Variants in RBM17 observed in about 807,000 individuals in gnomAD.
RBM17 encodes RNA binding motif protein 17, also known as splicing factor 45.
A neutral mutation model predicts 53.2 loss-of-function variants in RBM17; 7 were observed. That is an observed-to-expected ratio of 0.13 (90% CI 0.07 to 0.25). The LOEUF is 0.25. Ranked by LOEUF, RBM17 falls within the 10% of genes least tolerant of loss-of-function variation. The pLI, the probability that RBM17 is intolerant of heterozygous loss-of-function variation, is 1.00. For missense variants in RBM17, 257 were observed against 496.7 expected, an observed-to-expected ratio of 0.52 and a Z score of 4.59; for synonymous variants, 167 against 178.1, an observed-to-expected ratio of 0.94 and a Z score of 0.50.
rs763831757 is a variant in RBM17, at chr10:6,104,955, G to T, written c.265G>T (p.Ala89Ser). Residue 89 changes from alanine (A) to serine (S), a missense_variant, in exon 4 of 12, where the codon GCA (alanine) becomes TCA (serine). Physicochemically the swap from Ala to Ser is moderately conservative, Grantham distance 99. This residue lies in a region of RBM17 where 127 missense variants were observed against 217.2 expected (regional missense o/e 0.58). Coordinates refer to ENST00000379888, the MANE Select transcript of RBM17 (RefSeq NM_032905.5). ...LKDPVPSGFSAGEVLIPLADE... is the reference protein window; with the variant it reads ...LKDPVPSGFSSGEVLIPLADE... The stretch of plus-strand genomic sequence containing the variant: ...GGATCCTGTTCCCAGTGGGTTTTCT[G>T]CAGGGGAAGTTCTGATTCCCTTAGC... The T allele has an allele frequency of 6.2e-7, 1 of 1,613,896 alleles. No individual in the cohort carries two copies. Among genetic ancestry groups the T allele is most frequent in the South Asian group, 1.1e-5 (1 of 91,058 alleles).
chr10:6,108,815 G>A, intron 6 of RBM17, 73 bp downstream of exon 6: 1 of 1,222,058 alleles, frequency 8.2e-7, no homozygotes, highest in Non-Finnish European at 1.2e-6. Flanking sequence ...TCTCAGCTTG[G>A]GCCCCCAGGT....
chr10:6,114,941 G>A (rs1840893025), intron 10 of RBM17: 1 of 331,682 alleles, frequency 3.0e-6, no homozygotes, highest in Non-Finnish European at 5.5e-6. Context: ...TCTTTATCCT[G>A]TTGCTGTTTG....
rs967929600 is a variant in RBM17 at position 6,089,343 on chromosome 10, C to A, written c.-19+150C>A. ...CAGCGCAGCCGGAGCCTCCGAGGGT[C>A]TCAGTCCCCGCGGCGGGCGCTGGTC... On this transcript the variant is annotated intron_variant, in intron 1 of 11. Transcript: ENST00000379888. The surrounding 1 kb of genome is among the most constrained non-coding windows in gnomAD (Gnocchi z 5.6). 11 of 152,284 alleles carry A rather than the reference C, an allele frequency of 7.2e-5. No individual in the cohort carries two copies. The highest frequency in any genetic ancestry group is 2.7e-4 in the African/African-American group (11 of 41,450). 9.4% of individuals were successfully genotyped at this position (152,284 alleles called of 1,614,324 possible).
At position 6,098,556 on chromosome 10, in the gene RBM17, G is replaced by GTT. The variant is rs1221504658; in HGVS notation, c.123+1373_123+1374dup. On this transcript the variant is annotated intron_variant, in intron 2 of 11. Transcript: ENST00000379888. Reference sequence around the variant, plus strand: ...GTTTGAAAATTTCCGTAATACACAGGTTTTTTGTTTTTTTTTTTTTTTTTT... The same window carrying GTT: ...GTTTGAAAATTTCCGTAATACACAGGTTTTTTTTGTTTTTTTTTTTTTTTTTT... 2.8e-3 allele frequency among the ~76,000 whole-genome samples: 248 copies of GTT among 87,962 alleles called. 27 individuals carry two copies. Among genetic ancestry groups the GTT allele is most frequent in the African/African-American group, 6.6e-3 (164 of 24,780 alleles). The allele number at this position is 87,962 out of a possible 152,430, so 57.7% of individuals were successfully genotyped here.
At chr10:6,114,232 C>G (rs924005047) in intron 10 of RBM17, 85 bp downstream of exon 10, 14 of 745,712 alleles carry the variant, frequency 1.9e-5, no homozygotes, top group African/African-American at 3.5e-5. Flanking sequence ...ACAGGGTATG[C>G]TATAAGTAAC....
rs1343278771 is a variant in RBM17, at chr10:6,110,117, G to A, written c.694G>A (p.Ala232Thr). 3 of 1,608,384 alleles carry A rather than the reference G, an allele frequency of 1.9e-6. No homozygotes were observed. Among genetic ancestry groups the A allele is most frequent in the Admixed American group, 3.4e-5 (2 of 58,926 alleles). Reference sequence around the variant, plus strand: ...AACCGGACCTAGCAACTCCTTCCTCGCTAACATGGGGTAATGATTTAATGT... The same window carrying A: ...AACCGGACCTAGCAACTCCTTCCTCACTAACATGGGGTAATGATTTAATGT... ...SPTGPSNSFL[A>T]NMGGTVAHKI... The change falls in exon 7 of 12, where the codon GCT becomes ACT. Residue 232 changes from alanine to threonine, a missense_variant. Ala to Thr is a moderately conservative substitution (Grantham distance 58). Around this residue, in one of 6 missense-constraint regions of RBM17, gnomAD observed 5 missense variants for 58.2 expected, o/e 0.09. Coordinates refer to ENST00000379888, the MANE Select transcript of RBM17 (RefSeq NM_032905.5).
chr10:6,115,111 T>C, intron 10 of RBM17, 128 bp from the exon 11 acceptor site: 2 of 715,190 alleles, frequency 2.8e-6, no homozygotes. Flanking sequence ...ATTTCCTTGG[T>C]ATTTGACAAC....
chr10:6,095,646 T>C lies in RBM17; in HGVS notation c.-18-1402T>C, dbSNP rs1840560775. ...TCAAAATGGAGAGGTTTTAGTTAAT[T>C]TGAGGGTTCACGTATGAAGGAATGG... On this transcript the variant is annotated intron_variant, in intron 1 of 11. Coordinates refer to ENST00000379888, the MANE Select transcript of RBM17 (RefSeq NM_032905.5). Among the ~76,000 whole-genome samples the C allele has an allele frequency of 2.0e-5, 3 of 152,094 alleles. No individual in the cohort carries two copies. In the South Asian group the frequency reaches 6.2e-4, roughly 32 times the overall value.
At chr10:6,099,515 T>G (rs564933954) in intron 2 of RBM17, among the ~76,000 whole-genome samples, 29 of 152,316 alleles carry the variant, frequency 1.9e-4, no homozygotes, top group African/African-American at 7.0e-4. Flanking sequence ...GTCCCTTATA[T>G]AAAATGGTGT....
In RBM17 at chr10:6,117,373, A is replaced by G. The variant is rs1840936971; in HGVS notation, c.*1817A>G. ...TTAGTACTTGAGAAATTTGAAATTAATTTTCAATATTAACATTTAAGCTAA... is the reference window on the plus strand; with the variant it reads ...TTAGTACTTGAGAAATTTGAAATTAGTTTTCAATATTAACATTTAAGCTAA... On this transcript the variant is annotated 3_prime_UTR_variant, in exon 12 of 12. Coordinates refer to ENST00000379888, the MANE Select transcript of RBM17 (RefSeq NM_032905.5). The G allele has an allele frequency of 6.6e-6, 1 of 152,132 alleles. No homozygotes were observed. 9.4% of individuals were successfully genotyped at this position (152,132 alleles called of 1,614,324 possible). A position where few individuals can be genotyped will look rare whatever the true frequency, so the allele number is the denominator to read the frequency against.
At chr10:6,115,415 A>G in intron 11 of RBM17, 38 bp from the exon 12 acceptor site, 2 of 1,538,222 alleles carry the variant, frequency 1.3e-6, no homozygotes, top group Non-Finnish European at 1.8e-6. Flanking sequence ...TTTATCTTAT[A>G]GGATACCTGT....
chr10:6,110,808 T>G (rs1588351098), intron 7 of RBM17, among the ~76,000 whole-genome samples: 1 of 151,974 alleles, frequency 6.6e-6, no homozygotes, highest in African/African-American at 2.4e-5. Context: ...AGACAGTGAG[T>G]GGGGTTGAAA....
At position 6,116,820 on chromosome 10, in the gene RBM17, G is replaced by T. The variant is rs539083584; in HGVS notation, c.*1264G>T. 1.3e-5 allele frequency: 2 copies of T among 152,232 alleles called. No homozygotes were observed. Among genetic ancestry groups the T allele is most frequent in the Non-Finnish European group, 2.9e-5 (2 of 68,008 alleles). 9.4% of individuals were successfully genotyped at this position (152,232 alleles called of 1,614,324 possible). ...ATGTTTTTATTTAACATAAATAAAAGAATAACATTTTATCTTTTGTGGTAT... is the reference window on the plus strand; with the variant it reads ...ATGTTTTTATTTAACATAAATAAAATAATAACATTTTATCTTTTGTGGTAT... On this transcript the variant is annotated 3_prime_UTR_variant, in exon 12 of 12. Transcript: ENST00000379888.
At chr10:6,109,737 A>G (rs1840809391) in intron 6 of RBM17, among the ~76,000 whole-genome samples, 1 of 152,236 alleles carries the variant, frequency 6.6e-6, no homozygotes, top group South Asian at 2.1e-4. Context: ...ACATTTCAGT[A>G]AGATATAAAA....
At position 6,104,876 on chromosome 10, in the gene RBM17, G is replaced by A. The variant is rs1840724074; in HGVS notation, c.241-55G>A. 4 of 1,486,042 alleles carry A rather than the reference G, an allele frequency of 2.7e-6. No individual in the cohort carries two copies. The South Asian group carries it at 3.5e-5, about 13-fold the overall frequency. The allele number at this position is 1,486,042 out of a possible 1,614,324, so 92.1% of individuals were successfully genotyped here. A position where few individuals can be genotyped will look rare whatever the true frequency, so the allele number is the denominator to read the frequency against. On this transcript the variant is annotated intron_variant, in intron 3 of 11. Transcript: ENST00000379888. The stretch of plus-strand genomic sequence containing the variant: ...CCATACGCTTTGACCTGAATCCTGT[G>A]AGTAAACTGGTAAGATATAAAGAGG...
intron 4 of RBM17, among the ~76,000 whole-genome samples, chr10:6,105,698 G>A (rs1037446367): frequency 1.3e-5 from 2 of 152,104 alleles, no homozygotes; most frequent in Admixed American, 6.5e-5. Context: ...TGCAAAGTAC[G>A]AGTAGTAGGA....
intron 3 of RBM17, among the ~76,000 whole-genome samples, 155 bp from the exon 4 acceptor site, chr10:6,104,776 C>T (rs1423693577): frequency 6.6e-6 from 1 of 152,146 alleles, no homozygotes; most frequent in Non-Finnish European, 1.5e-5. Context: ...AGGCACGTGG[C>T]CTTGTCTGGT....
chr10:6,104,670 A>G (rs1840720645), intron 3 of RBM17, among the ~76,000 whole-genome samples: 1 of 152,210 alleles, frequency 6.6e-6, no homozygotes, highest in Non-Finnish European at 1.5e-5. Context: ...GTGGTGGCTT[A>G]TTTAGGAATT....
chr10:6,107,654 G>A (rs1179847902), intron 5 of RBM17, among the ~76,000 whole-genome samples: 1 of 150,378 alleles, frequency 6.6e-6, no homozygotes, highest in Non-Finnish European at 1.5e-5. Flanking sequence ...GCTGATTTTT[G>A]CATTTTTAGT....
Sources: allele counts gnomAD v4.1 joint callset (sites outside exome capture counted in the v4.1 genomes callset), GRCh38; gene constraint gnomAD v4.1.1; regional missense constraint gnomAD v4.1.1; non-coding constraint Gnocchi (gnomAD v3.1); transcripts MANE v1.5; gene names NCBI Gene and HGNC (gene_info 2026-07-23, HGNC 2026-07-21).